The following SCIN variants were observed in gnomAD, a reference collection of about 807,000 sequenced individuals.
The protein encoded by SCIN is adseverin.
Under a neutral mutation model 91.8 loss-of-function variants are expected in SCIN, and 91 were observed. The observed-to-expected ratio is 0.99, with a 90% CI of 0.84 to 1.18. The LOEUF is 1.18. SCIN is among the 50% of genes most tolerant of loss of function. The probability of loss-of-function intolerance (pLI) is 0.00; values close to 1 mark genes in which losing one functional copy is unlikely to be tolerated. For missense variants in SCIN, 1,087 were observed against 863.9 expected (o/e 1.26, Z -3.24); for synonymous variants, 367 against 312.6 (o/e 1.17, Z -1.84).
At chr7:12,607,362 C>T (rs1442291550) in intron 4 of SCIN, among the ~76,000 whole-genome samples, 1 of 152,170 alleles carries the variant, frequency 6.6e-6, no homozygotes, top group Non-Finnish European at 1.5e-5. Context: ...AGGGGCCCTG[C>T]TGGGCATGTA....
At chr7:12,615,719 A>G (rs1303233760) in intron 4 of SCIN, among the ~76,000 whole-genome samples, 1 of 152,088 alleles carries the variant, frequency 6.6e-6, no homozygotes, top group African/African-American at 2.4e-5. Flanking sequence ...TTTGGAAAGA[A>G]TATACATTTT....
At chr7:12,634,913 G>T (rs1783716905) in intron 9 of SCIN, among the ~76,000 whole-genome samples, 1 of 152,132 alleles carries the variant, frequency 6.6e-6, no homozygotes, top group Admixed American at 6.5e-5. Context: ...TGGGAAGGGT[G>T]CAGTGCCTCA....
rs1331178191 is a variant in SCIN at position 12,625,022 on chromosome 7, A to C, written c.772A>C (p.Ser258Arg). The change falls in exon 6 of 16, where the codon AGT (serine) becomes CGT (arginine). Residue 258 changes from serine (S) to arginine (R), a missense_variant. By Grantham distance (110) the Ser-to-Arg change is moderately radical. Coordinates refer to ENST00000297029, the MANE Select transcript of SCIN (RefSeq NM_001112706.3). ...GTTTTTATATTAGGTTTCAGATGCA[A>C]GTGGCTCCATGAGAGTGACTGTGGT... ...MAKLYMVSDA[S>R]GSMRVTVVAE... The C allele has an allele frequency of 3.2e-6, 5 of 1,562,180 alleles. No individual in the cohort carries two copies. The highest frequency in any genetic ancestry group is 4.3e-6 in the Non-Finnish European group (5 of 1,151,906).
At chr7:12,589,901 T>C (rs1468127494) in intron 3 of SCIN, among the ~76,000 whole-genome samples, 1 of 152,200 alleles carries the variant, frequency 6.6e-6, no homozygotes, top group Non-Finnish European at 1.5e-5. Context: ...GCTTTTGGAC[T>C]GGCTCTAATG....
At chr7:12,583,225 G>A (rs1357702831) in intron 3 of SCIN, among the ~76,000 whole-genome samples, 1 of 151,634 alleles carries the variant, frequency 6.6e-6, no homozygotes, top group Non-Finnish European at 1.5e-5. Flanking sequence ...TATGATATTG[G>A]GCAACTCATT....
chr7:12,572,732 A>G (rs1782294490), intron 1 of SCIN, among the ~76,000 whole-genome samples: 2 of 152,232 alleles, frequency 1.3e-5, no homozygotes, highest in African/African-American at 4.8e-5. Context: ...AAAATATAAT[A>G]GAAAATGGTT....
At chr7:12,627,091 T>TACACACAC (rs10654667) in intron 8 of SCIN, among the ~76,000 whole-genome samples, 19 of 149,146 alleles carry the variant, frequency 1.3e-4, no homozygotes, top group African/African-American at 4.2e-4. Context: ...AATGTGTGTA[T>TACACACAC]ACACACACAC....
intron 4 of SCIN, among the ~76,000 whole-genome samples, chr7:12,608,662 A>G (rs1783130531): frequency 6.6e-6 from 1 of 152,088 alleles, no homozygotes; most frequent in Admixed American, 6.6e-5. Flanking sequence ...CATTTTTAGT[A>G]GAGACGGGGT....
At chr7:12,574,145 A>G (rs947476508) in intron 1 of SCIN, among the ~76,000 whole-genome samples, 7 of 152,208 alleles carry the variant, frequency 4.6e-5, no homozygotes, top group Non-Finnish European at 4.4e-5. Flanking sequence ...GAATCAGCCC[A>G]GATGCTTTTC....
At chr7:12,624,625 A>G (rs1438452705) in intron 5 of SCIN, among the ~76,000 whole-genome samples, 1 of 152,202 alleles carries the variant, frequency 6.6e-6, no homozygotes, top group Non-Finnish European at 1.5e-5. Context: ...TAAAATGTAC[A>G]AGAAATAATC....
chr7:12,574,399 G>C (rs111347162), intron 1 of SCIN, among the ~76,000 whole-genome samples: 1 of 152,116 alleles, frequency 6.6e-6, no homozygotes, highest in African/African-American at 2.4e-5. Context: ...GATGTGGGCA[G>C]GAGAAGAGTG....
In SCIN at chr7:12,590,956, T is replaced by C. The variant is rs542847488; in HGVS notation, c.516+9735T>C. ...AGATTTAGGGCCCTGGTGAGAGCTA[T>C]GAGTTCTGCTTTTTGGGAGGAGGAT... On this transcript the variant is annotated intron_variant, in intron 3 of 15. Transcript: ENST00000297029. Among the ~76,000 whole-genome samples the C allele has an allele frequency of 9.9e-5, 15 of 152,264 alleles. No individual in the cohort carries two copies. The East Asian group carries it at 2.9e-3, about 29-fold the overall frequency.
intron 3 of SCIN, among the ~76,000 whole-genome samples, chr7:12,601,425 A>G (rs997389533): frequency 6.6e-6 from 1 of 152,206 alleles, no homozygotes; most frequent in Non-Finnish European, 1.5e-5. Context: ...CAAACACACT[A>G]TCAAATACCC....
chr7:12,590,218 C>T (rs751212841), intron 3 of SCIN, among the ~76,000 whole-genome samples: 3 of 152,110 alleles, frequency 2.0e-5, no homozygotes, highest in Non-Finnish European at 4.4e-5. Context: ...ATGCTTCTAC[C>T]CACCTAGAGA....
chr7:12,570,901 G>A lies in SCIN; in HGVS notation c.115G>A (p.Asp39Asn), dbSNP rs751941082. 19 of 1,551,486 alleles carry A rather than the reference G, an allele frequency of 1.2e-5. No homozygotes were observed. The highest frequency in any genetic ancestry group is 1.7e-5 in the Non-Finnish European group (19 of 1,146,982). ...LVPVPQSAHG[D>N]FYVGDAYLVL... ...GCCCGTGCCCCAGAGCGCTCACGGCGACTTCTACGTCGGGGATGCCTACCT... is the reference window on the plus strand; with the variant it reads ...GCCCGTGCCCCAGAGCGCTCACGGCAACTTCTACGTCGGGGATGCCTACCT... The change falls in exon 1 of 16, where the codon GAC becomes AAC. Residue 39 changes from aspartate to asparagine, a missense_variant. Asp to Asn is a conservative substitution (Grantham distance 23). Coordinates refer to ENST00000297029, the MANE Select transcript of SCIN (RefSeq NM_001112706.3).
At position 12,654,807 on chromosome 7, in the gene SCIN, A is replaced by C. The variant is rs1349560225; in HGVS notation, c.*2092A>C. Reference sequence around the variant, plus strand: ...AAAATGAGATCAGCAGCAAGATGATAAGGCAGAATAAAAGTTGCTGAGAGC... The same window carrying C: ...AAAATGAGATCAGCAGCAAGATGATCAGGCAGAATAAAAGTTGCTGAGAGC... On this transcript the variant is annotated 3_prime_UTR_variant, in exon 16 of 16. Transcript: ENST00000297029. 1 of 152,194 alleles carries C rather than the reference A, an allele frequency of 6.6e-6. No homozygotes were observed. The highest frequency in any genetic ancestry group is 1.9e-4 in the East Asian group (1 of 5,198). The allele number at this position is 152,194 out of a possible 1,614,324, so 9.4% of individuals were successfully genotyped here. A position where few individuals can be genotyped will look rare whatever the true frequency, so the allele number is the denominator to read the frequency against.
chr7:12,596,770 C>G (rs1782851954), intron 3 of SCIN, among the ~76,000 whole-genome samples: 2 of 151,958 alleles, frequency 1.3e-5, no homozygotes, highest in African/African-American at 4.8e-5. Flanking sequence ...GCAAAGATCC[C>G]TCCCAAAACT....
intron 3 of SCIN, among the ~76,000 whole-genome samples, chr7:12,591,311 T>C (rs1018693561): frequency 4.0e-5 from 6 of 151,734 alleles, no homozygotes; most frequent in African/African-American, 1.5e-4. Flanking sequence ...GGAGAGGAGA[T>C]CTTGTAGATT....
intron 1 of SCIN, 188 bp from the exon 2 acceptor site, chr7:12,577,876 A>T: frequency 1.8e-6 from 1 of 565,062 alleles, no homozygotes; most frequent in Non-Finnish European, 3.0e-6. Context: ...AAAATAGACT[A>T]AAAAAATTGT....
Sources: allele counts gnomAD v4.1 joint callset (sites outside exome capture counted in the v4.1 genomes callset), GRCh38; gene constraint gnomAD v4.1.1; transcripts MANE v1.5; gene names NCBI Gene and HGNC (gene_info 2026-07-23, HGNC 2026-07-21).